The following MECOM variants were observed in gnomAD, a reference collection of about 807,000 sequenced individuals.
MECOM encodes the protein histone-lysine N-methyltransferase MECOM.
A neutral mutation model predicts 116.3 loss-of-function variants in MECOM; 13 were observed. The ratio of observed to expected loss-of-function variants is 0.11; its 90% CI spans 0.07 to 0.18. The LOEUF (loss-of-function observed/expected upper bound fraction) is 0.18, where lower values mean the gene tolerates loss of function less well. Among genes scored for constraint, MECOM ranks in the 10% least tolerant of loss-of-function variants. The pLI is 1.00. For synonymous variants in MECOM, 528 were observed against 535.2 expected (o/e 0.99, Z 0.19); for missense variants, 1,299 against 1,509.0 (o/e 0.86, Z 2.31).
chr3:169,492,733 G>A (rs568589533), intron 1 of MECOM, among the ~76,000 whole-genome samples: 51 of 152,144 alleles, frequency 3.4e-4, no homozygotes, highest in African/African-American at 8.2e-4. Context: ...AGGCCGAGGC[G>A]GGCAGATCAC....
chr3:169,655,017 T>G (rs1007446780), intron 1 of MECOM, among the ~76,000 whole-genome samples: 1 of 152,212 alleles, frequency 6.6e-6, no homozygotes, highest in African/African-American at 2.4e-5. Flanking sequence ...TGGTTGGGCC[T>G]GCAGAATTTT....
At chr3:169,109,159 T>G (rs532207395) in intron 9 of MECOM, among the ~76,000 whole-genome samples, 1 of 152,308 alleles carries the variant, frequency 6.6e-6, no homozygotes, top group Admixed American at 6.5e-5. Flanking sequence ...TCCCTGCATC[T>G]TACCTATTTG....
chr3:169,146,254 T>C, intron 2 of MECOM: 7 of 1,189,092 alleles, frequency 5.9e-6, no homozygotes, highest in Non-Finnish European at 7.4e-6. Context: ...GAATGTGACT[T>C]TCTCGCGAAG....
intron 1 of MECOM, among the ~76,000 whole-genome samples, chr3:169,658,882 C>A (rs1273518325): frequency 1.3e-5 from 2 of 151,954 alleles, no homozygotes; most frequent in African/African-American, 2.4e-5. Flanking sequence ...GAGAGGGGGC[C>A]GAGCCGGGCG....
chr3:169,378,438 AAAGAAAGAAAGAAGGAAAGCAAGC>A lies in MECOM; in HGVS notation c.375+2725_375+2748del, dbSNP rs1318209198. Among the ~76,000 whole-genome samples the A allele has an allele frequency of 2.1e-3, 177 of 83,708 alleles. 17 individuals are homozygous for A. Among genetic ancestry groups the A allele is most frequent in the Admixed American group, 3.0e-3 (22 of 7,322 alleles). The allele number at this position is 83,708 out of a possible 152,430, so 54.9% of individuals were successfully genotyped here. On this transcript the variant is annotated intron_variant, in intron 2 of 16. Transcript: ENST00000651503. The stretch of plus-strand genomic sequence containing the variant: ...GAAAGAAAGAAAGAAAGAAAGAAAG[AAAGAAAGAAAGAAGGAAAGCAAGC>A]AAGCAAGCAAGCAAGAAAGAGAGAG...
intron 16 of MECOM, among the ~76,000 whole-genome samples, chr3:169,085,862 A>G (rs1190694589): frequency 6.6e-6 from 1 of 152,180 alleles, no homozygotes; most frequent in Non-Finnish European, 1.5e-5. Flanking sequence ...TTCAAATGAA[A>G]TGTTTGGTCT....
intron 2 of MECOM, among the ~76,000 whole-genome samples, chr3:169,157,281 C>G (rs1478626791): frequency 1.3e-5 from 2 of 152,202 alleles, no homozygotes; most frequent in Non-Finnish European, 2.9e-5. Flanking sequence ...ATTACTTATA[C>G]TTGGTTATGA....
In MECOM at chr3:169,204,870, A is replaced by C. The variant is rs138252349; in HGVS notation, c.376-61038T>G. On this transcript the variant is annotated intron_variant, in intron 2 of 16. Coordinates refer to ENST00000651503, the MANE Select transcript of MECOM (RefSeq NM_004991.4). ...TATTAAGCTACCAAATGAGGAATTA[A>C]AGTTACATTGAGTGTGACCCAAATA... 5.8e-3 allele frequency among the ~76,000 whole-genome samples: 890 copies of C among 152,318 alleles called. 5 individuals carry two copies. Among genetic ancestry groups the C allele is most frequent in the Non-Finnish European group, 9.5e-3 (648 of 68,014 alleles).
At chr3:169,381,998 G>A (rs1207939301) in intron 1 of MECOM, among the ~76,000 whole-genome samples, 2 of 152,120 alleles carry the variant, frequency 1.3e-5, no homozygotes, top group African/African-American at 4.8e-5. Context: ...TGTGCCACAA[G>A]GCTTAAATGT....
intron 2 of MECOM, among the ~76,000 whole-genome samples, chr3:169,378,430 A>AAAGAAAG (rs1179444905): frequency 1.3e-5 from 1 of 78,960 alleles, no homozygotes; most frequent in East Asian, 3.1e-4. Flanking sequence ...AGAAAGAAAG[A>AAAGAAAG]AAGAAAGAAA....
chr3:169,276,745 G>T (rs1436432376), intron 2 of MECOM, among the ~76,000 whole-genome samples: 1 of 152,062 alleles, frequency 6.6e-6, no homozygotes, highest in African/African-American at 2.4e-5. Flanking sequence ...AAGATCTGGT[G>T]CAGCATTGTT....
intron 2 of MECOM, among the ~76,000 whole-genome samples, chr3:169,188,367 T>C (rs965139466): frequency 3.3e-5 from 5 of 151,876 alleles, no homozygotes; most frequent in African/African-American, 1.2e-4. Flanking sequence ...AACAGAGAGA[T>C]AAATAGCAAA....
intron 2 of MECOM, among the ~76,000 whole-genome samples, chr3:169,304,870 A>G (rs1016617931): frequency 2.0e-5 from 3 of 152,170 alleles, no homozygotes; most frequent in Non-Finnish European, 4.4e-5. Context: ...CTTTCCACTC[A>G]ATTTCTCTCC....
chr3:169,653,731 G>A (rs1321544729), intron 1 of MECOM, among the ~76,000 whole-genome samples: 1 of 152,158 alleles, frequency 6.6e-6, no homozygotes, highest in African/African-American at 2.4e-5. Flanking sequence ...TTCTATTTAA[G>A]GCACTCTAAA....
intron 1 of MECOM, among the ~76,000 whole-genome samples, chr3:169,457,813 C>G (rs552188112): frequency 1.2e-4 from 18 of 152,280 alleles, no homozygotes; most frequent in South Asian, 2.1e-4. Flanking sequence ...CTTATCTTTT[C>G]TTCCCCTTGG....
chr3:169,084,862 C>G lies in MECOM; in HGVS notation c.*47G>C. Reference sequence around the variant, plus strand: ...TTGTAAATAGTCCTATATGAAAGAGCCATGCTACTGTTGGACTTGGTCCCA... The same window carrying G: ...TTGTAAATAGTCCTATATGAAAGAGGCATGCTACTGTTGGACTTGGTCCCA... On this transcript the variant is annotated 3_prime_UTR_variant, in exon 17 of 17. Coordinates refer to ENST00000651503, the MANE Select transcript of MECOM (RefSeq NM_004991.4). The G allele has an allele frequency of 6.2e-7, 1 of 1,610,872 alleles. No homozygotes were observed. Among genetic ancestry groups the G allele is most frequent in the South Asian group, 1.1e-5 (1 of 90,660 alleles).
In MECOM at chr3:169,160,113, A is replaced by C. The variant is rs144436368; in HGVS notation, c.376-16281T>G. 6.2e-3 allele frequency among the ~76,000 whole-genome samples: 944 copies of C among 152,266 alleles called. 10 individuals carry two copies. The highest frequency in any genetic ancestry group is 0.02 in the African/African-American group (834 of 41,566). ...AGAGAAACAAATATTTTGTCCCTTT[A>C]ATTTATTTTCTGGTCACTCAGGCAG... On this transcript the variant is annotated intron_variant, in intron 2 of 16. Transcript: ENST00000651503.
intron 1 of MECOM, among the ~76,000 whole-genome samples, chr3:169,473,903 G>A (rs1749946867): frequency 8.8e-6 from 1 of 113,412 alleles, no homozygotes; most frequent in African/African-American, 4.3e-5. Context: ...TATATCTATA[G>A]ATAGATAGAT....
rs184275769 is a variant in MECOM at position 169,245,557 on chromosome 3, T to A, written c.376-101725A>T. On this transcript the variant is annotated intron_variant, in intron 2 of 16. Transcript: ENST00000651503. The stretch of plus-strand genomic sequence containing the variant: ...ATTTTTATAGAACTAATAATTTTTT[T>A]AAAAAATTCATCAGATTCAAACAAT... 4.8e-3 allele frequency among the ~76,000 whole-genome samples: 731 copies of A among 152,286 alleles called. 3 individuals are homozygous for A. The highest frequency in any genetic ancestry group is 0.014 in the African/African-American group (597 of 41,562).
Sources: gnomAD v4.1 joint callset for allele counts (sites outside exome capture counted in the v4.1 genomes callset) on GRCh38, gnomAD v4.1.1 for gene constraint, MANE v1.5 for transcripts, NCBI Gene and HGNC (gene_info 2026-07-23, HGNC 2026-07-21) for gene names.